NUP98: variants seen among roughly 807,000 people sequenced by gnomAD.
NUP98 encodes the protein nuclear pore complex protein Nup98-Nup96.
NUP98 carries 26 observed loss-of-function variants against 191.9 expected under a neutral mutation model. The observed-to-expected ratio is 0.14, with a 90% CI of 0.10 to 0.19. NUP98 has a LOEUF of 0.19. NUP98 is among the 10% of genes least tolerant of loss of function. The pLI is 1.00. For synonymous variants in NUP98, 808 were observed against 778.4 expected, an observed-to-expected ratio of 1.04 and a Z score of -0.63; for missense variants, 1,941 against 2,178.8, an observed-to-expected ratio of 0.89 and a Z score of 2.17.
At chr11:3,746,805 G>A (rs987146507) in intron 11 of NUP98, among the ~76,000 whole-genome samples, 2 of 151,436 alleles carry the variant, frequency 1.3e-5, no homozygotes, top group Non-Finnish European at 2.9e-5. Context: ...CCAGCTACTC[G>A]GGAAGGCTGA....
At chr11:3,768,835 G>T (rs748836925) in intron 7 of NUP98, 91 bp from the exon 8 acceptor site, 6 of 1,029,576 alleles carry the variant, frequency 5.8e-6, no homozygotes, top group African/African-American at 1.6e-5. Context: ...TCCAGTTGTT[G>T]TAATAGTCTT....
rs55821497 is a variant in NUP98, at chr11:3,720,832, C to CAAAAAAAAAAAAAAAAAAAGAAAA, written c.2147-8_2147-7insTTTTCTTTTTTTTTTTTTTTTTTT. 3.0e-6 allele frequency: 1 copy of CAAAAAAAAAAAAAAAAAAAGAAAA among 338,944 alleles called. No homozygotes were observed. The highest frequency in any genetic ancestry group is 4.9e-6 in the Non-Finnish European group (1 of 202,404). The allele number at this position is 338,944 out of a possible 1,614,324, so 21.0% of individuals were successfully genotyped here. A position where few individuals can be genotyped will look rare whatever the true frequency, so the allele number is the denominator to read the frequency against. On this transcript the variant is annotated splice_region_variant and splice_polypyrimidine_tract_variant and intron_variant, in intron 16 of 32. Coordinates refer to ENST00000324932, the MANE Select transcript of NUP98 (RefSeq NM_016320.5). ...ACCTTAGTGAGAATAATACCTGTGA[C>CAAAAAAAAAAAAAAAAAAAGAAAA]AAAAAAAAAAAAAAAAACAGAAAAA...
intron 25 of NUP98, chr11:3,696,825 CAAAACAA>C (rs1211048935): frequency 7.7e-6 from 1 of 130,300 alleles, no homozygotes; most frequent in African/African-American, 3.3e-5. Flanking sequence ...AAAACAAAAA[CAAAACAA>C]AAAACAAAAA....
At position 3,685,834 on chromosome 11, in the gene NUP98, T is replaced by A. The variant is rs1047579778; in HGVS notation, c.4676+139A>T. 5 of 678,174 alleles carry A rather than the reference T, an allele frequency of 7.4e-6. No individual in the cohort carries two copies. In the Admixed American group the frequency reaches 1.1e-4, roughly 16 times the overall value. The allele number at this position is 678,174 out of a possible 1,614,324, so 42.0% of individuals were successfully genotyped here. On this transcript the variant is annotated intron_variant, in intron 29 of 32. Transcript: ENST00000324932. Reference sequence around the variant, plus strand: ...ACAGTCTAGGCTAAGGGTTTAACTATCTTGAGGTTTATCACAACGCTGGAT... The same window carrying A: ...ACAGTCTAGGCTAAGGGTTTAACTAACTTGAGGTTTATCACAACGCTGGAT...
In NUP98 at chr11:3,773,565, T is replaced by C. The variant is rs548294630; in HGVS notation, c.603+67A>G. 6.2e-4 allele frequency: 645 copies of C among 1,035,292 alleles called. 4 individuals are homozygous for C. The highest frequency in any genetic ancestry group is 6.0e-4 in the Non-Finnish European group (426 of 705,838). The allele number at this position is 1,035,292 out of a possible 1,614,324, so 64.1% of individuals were successfully genotyped here. On this transcript the variant is annotated intron_variant, in intron 6 of 32. Transcript: ENST00000324932. ...TCTATCCTAAAGAAAATCAAAACCATTTTTAAAAGCTGCATTCCAATAAAA... is the reference window on the plus strand; with the variant it reads ...TCTATCCTAAAGAAAATCAAAACCACTTTTAAAAGCTGCATTCCAATAAAA...
intron 12 of NUP98, among the ~76,000 whole-genome samples, chr11:3,742,298 ATCATTTGCAACAGT>A (rs1328977368): frequency 6.6e-6 from 1 of 152,254 alleles, no homozygotes. Flanking sequence ...TTGTAACAGA[ATCATTTGCAACAGT>A]TCATTTGCAA....
chr11:3,680,992 C>T (rs2077966853), intron 30 of NUP98, among the ~76,000 whole-genome samples: 1 of 152,150 alleles, frequency 6.6e-6, no homozygotes, highest in African/African-American at 2.4e-5. Flanking sequence ...TCCTGAGTAG[C>T]TGAAATTACA....
chr11:3,770,117 G>A (rs990467504), intron 7 of NUP98, among the ~76,000 whole-genome samples: 2 of 151,618 alleles, frequency 1.3e-5, no homozygotes, highest in Non-Finnish European at 2.9e-5. Flanking sequence ...GGCCGAGGCT[G>A]GTTAATCGCC....
intron 24 of NUP98, 31 bp from the exon 25 acceptor site, chr11:3,699,379 A>T: frequency 6.2e-7 from 1 of 1,608,240 alleles, no homozygotes; most frequent in Non-Finnish European, 8.5e-7. Flanking sequence ...CAATGTTACG[A>T]GACAAAGTCT....
At position 3,792,376 on chromosome 11, in the gene NUP98, G is replaced by A. The variant is rs946123586; in HGVS notation, c.-29+5024C>T. ...TGTAATGCCAGCTCTTTAGGAGGCC[G>A]AGACGGGAAGATCACTTGATGTCAG... On this transcript the variant is annotated intron_variant, in intron 1 of 32. Transcript: ENST00000324932. Among the ~76,000 whole-genome samples, 11 of 152,150 alleles carry A rather than the reference G, an allele frequency of 7.2e-5. No individual in the cohort carries two copies. In the East Asian group the frequency reaches 9.6e-4, roughly 13 times the overall value.
rs1313853541 is a variant in NUP98, at chr11:3,686,071, C to A, written c.4578G>T (p.Gln1526His). 4 of 1,614,206 alleles carry A rather than the reference C, an allele frequency of 2.5e-6. No homozygotes were observed. The Admixed American group carries it at 5.0e-5, about 20-fold the overall frequency. ...AACTGGCCTGTAGCACACCTTCACA[C>A]TGCGCTGAGAGATGGGTGTAGTTAA... ...RALNYTHLSA[Q>H]CEGVLQASYA... The change falls in exon 29 of 33, where the codon CAG (glutamine) becomes CAT (histidine). Residue 1526 changes from glutamine to histidine, a missense_variant. Around this residue, in one of 6 missense-constraint regions of NUP98, gnomAD observed 1,030 missense variants for 1,115.8 expected, o/e 0.92. Transcript: ENST00000324932.
At chr11:3,770,636 A>T (rs1274606061) in intron 7 of NUP98, among the ~76,000 whole-genome samples, 1 of 152,038 alleles carries the variant, frequency 6.6e-6, no homozygotes, top group East Asian at 1.9e-4. Flanking sequence ...ACAGAGGCAA[A>T]CTGGTGGCTG....
chr11:3,683,491 G>A, intron 29 of NUP98, 50 bp from the exon 30 acceptor site: 25 of 1,600,886 alleles, frequency 1.6e-5, no homozygotes, highest in Non-Finnish European at 2.1e-5. Flanking sequence ...TCATGGAGAA[G>A]GCTGCCCCAG....
intron 1 of NUP98, among the ~76,000 whole-genome samples, chr11:3,785,419 AC>A (rs2082110419): frequency 6.6e-6 from 1 of 152,148 alleles, no homozygotes; most frequent in South Asian, 2.1e-4. Flanking sequence ...GTTTGTGACT[AC>A]TGACATAATC....
intron 22 of NUP98, among the ~76,000 whole-genome samples, chr11:3,703,963 T>C (rs1315909043): frequency 6.6e-6 from 1 of 152,128 alleles, no homozygotes; most frequent in Non-Finnish European, 1.5e-5. Context: ...GCTATGATTA[T>C]AGGCATGAGC....
chr11:3,771,049 G>T lies in NUP98; in HGVS notation c.784+699C>A, dbSNP rs143133746. Among the ~76,000 whole-genome samples, 145 of 152,196 alleles carry T rather than the reference G, an allele frequency of 9.5e-4. 2 individuals carry two copies. The East Asian group carries it at 0.025, about 27-fold the overall frequency. ...GGCTAATTTTCATATTTTTAGTAGAGGCAGGGTTTTACCATGTTGGCCAGG... is the reference window on the plus strand; with the variant it reads ...GGCTAATTTTCATATTTTTAGTAGATGCAGGGTTTTACCATGTTGGCCAGG... On this transcript the variant is annotated intron_variant, in intron 7 of 32. Transcript: ENST00000324932.
At chr11:3,790,934 T>C (rs12279623) in intron 1 of NUP98, among the ~76,000 whole-genome samples, 25,595 of 151,142 alleles carry the variant, frequency 0.17, 2,416 homozygotes, top group Non-Finnish European at 0.22. Context: ...CTGGCTCTGT[T>C]GCCCAGGCTG....
chr11:3,746,294 A>AAACAG (rs144936005), intron 11 of NUP98, among the ~76,000 whole-genome samples: 2 of 93,104 alleles, frequency 2.1e-5, no homozygotes, highest in Non-Finnish European at 3.9e-5. Flanking sequence ...AAAAAAAAAA[A>AAACAG]GACAGCTTTG....
chr11:3,789,886 G>A (rs551681144), intron 1 of NUP98, among the ~76,000 whole-genome samples: 69 of 152,270 alleles, frequency 4.5e-4, no homozygotes, highest in Admixed American at 9.2e-4. Flanking sequence ...CTGGGTTCAA[G>A]CGATTTCCCT....
Sources: gnomAD v4.1 joint callset for allele counts (sites outside exome capture counted in the v4.1 genomes callset) on GRCh38, gnomAD v4.1.1 for gene constraint, gnomAD v4.1.1 regional missense constraint, MANE v1.5 for transcripts, NCBI Gene and HGNC (gene_info 2026-07-23, HGNC 2026-07-21) for gene names.